Variants in LRP1B observed in about 807,000 individuals in gnomAD.
LRP1B encodes the protein LDL receptor related protein 1B.
LRP1B carries 217 observed loss-of-function variants against 556.6 expected under a neutral mutation model. That is an observed-to-expected ratio of 0.39 (90% CI 0.35 to 0.44). The LOEUF (loss-of-function observed/expected upper bound fraction) is 0.44, where lower values mean the gene tolerates loss of function less well. Ranked by LOEUF, LRP1B falls within the 20% of genes least tolerant of loss-of-function variation. The pLI is 1.00. For missense variants in LRP1B, 5,053 were observed against 5,620.8 expected (o/e 0.90, Z 3.23); for synonymous variants, 2,047 against 1,865.8 (o/e 1.10, Z -2.50).
intron 1 of LRP1B, among the ~76,000 whole-genome samples, chr2:141,977,780 T>C (rs1269819745): frequency 1.3e-5 from 2 of 152,126 alleles, no homozygotes; most frequent in Non-Finnish European, 2.9e-5. Flanking sequence ...TATAGAATGA[T>C]AGAATACTGT....
intron 7 of LRP1B, among the ~76,000 whole-genome samples, chr2:141,149,024 G>C (rs1701854864): frequency 6.6e-6 from 1 of 152,064 alleles, no homozygotes; most frequent in African/African-American, 2.4e-5. Context: ...GGGAAGCAGA[G>C]GTTGCAGTGA....
chr2:140,748,556 C>A (rs1688428301), intron 35 of LRP1B, among the ~76,000 whole-genome samples: 2 of 102,864 alleles, frequency 1.9e-5, no homozygotes, highest in Non-Finnish European at 3.7e-5. Context: ...ATGATAATAA[C>A]TATGTTGTTA....
At chr2:141,539,271 G>A (rs1685170425) in intron 2 of LRP1B, among the ~76,000 whole-genome samples, 1 of 152,054 alleles carries the variant, frequency 6.6e-6, no homozygotes, top group African/African-American at 2.4e-5. Context: ...AGCATTTAGA[G>A]AAACAGGCAA....
At chr2:140,251,323 TACAA>T (rs941766986) in intron 86 of LRP1B, among the ~76,000 whole-genome samples, 2 of 151,842 alleles carry the variant, frequency 1.3e-5, no homozygotes, top group African/African-American at 2.4e-5. Flanking sequence ...TAGTAATTAT[TACAA>T]AGAGAATTAA....
At chr2:141,647,717 A>C (rs2381156) in intron 2 of LRP1B, among the ~76,000 whole-genome samples, 39 of 147,808 alleles carry the variant, frequency 2.6e-4, no homozygotes, top group Admixed American at 2.3e-3. Context: ...TTTTTTTTTT[A>C]AATAAGAGAG....
chr2:142,036,391 A>G (rs1444468649), intron 1 of LRP1B, among the ~76,000 whole-genome samples: 2 of 151,706 alleles, frequency 1.3e-5, no homozygotes, highest in Non-Finnish European at 3.0e-5. Flanking sequence ...GAAGAATTAT[A>G]TATCTGTTTT....
At chr2:141,186,603 C>G (rs949082338) in intron 7 of LRP1B, among the ~76,000 whole-genome samples, 9 of 151,932 alleles carry the variant, frequency 5.9e-5, no homozygotes, top group African/African-American at 1.5e-4. Context: ...CTAACTCAAA[C>G]AAAAATTCCA....
rs182760149 is a variant in LRP1B, at chr2:141,903,117, A to G, written c.83-92716T>C. ...GTTAACTAGCTGATAAAAGATGAAA[A>G]AAAGTTCCTAATTATAGTAATGTCT... is the stretch of plus-strand genomic sequence containing the variant. On this transcript the variant is annotated intron_variant, in intron 1 of 90. Transcript: ENST00000389484. Among the ~76,000 whole-genome samples, 42 of 146,864 alleles carry G rather than the reference A, an allele frequency of 2.9e-4. No individual in the cohort carries two copies. In the East Asian group the frequency reaches 3.1e-3, roughly 11 times the overall value.
chr2:141,343,483 T>G lies in LRP1B; in HGVS notation c.344-88842A>C, dbSNP rs144840290. ...TAATGTGATTCACGCTTTTGTGTGC[T>G]AGATATTTTTGTGGGCCTGTAATTA... is the stretch of plus-strand genomic sequence containing the variant. On this transcript the variant is annotated intron_variant, in intron 3 of 90. Transcript: ENST00000389484. Among the ~76,000 whole-genome samples the G allele has an allele frequency of 2.6e-3, 392 of 152,318 alleles. 1 individual carries two copies. The highest frequency in any genetic ancestry group is 8.9e-3 in the African/African-American group (372 of 41,576).
chr2:140,810,313 T>C (rs571145380), intron 32 of LRP1B, among the ~76,000 whole-genome samples: 1 of 152,310 alleles, frequency 6.6e-6, no homozygotes, highest in South Asian at 2.1e-4. Context: ...GGAACTATCA[T>C]ACATTTGTAT....
chr2:141,446,308 A>G (rs561675685), intron 3 of LRP1B, among the ~76,000 whole-genome samples: 12 of 152,020 alleles, frequency 7.9e-5, no homozygotes, highest in African/African-American at 2.7e-4. Context: ...GTGTGTCTTT[A>G]TATGTGAGAT....
At chr2:142,058,836 A>C (rs1245761103) in intron 1 of LRP1B, among the ~76,000 whole-genome samples, 4 of 152,262 alleles carry the variant, frequency 2.6e-5, no homozygotes, top group Admixed American at 1.3e-4. Context: ...CAGCAGAATT[A>C]GTAAGAATAT....
At chr2:141,977,765 T>C (rs1005243784) in intron 1 of LRP1B, among the ~76,000 whole-genome samples, 1 of 151,976 alleles carries the variant, frequency 6.6e-6, no homozygotes, top group Non-Finnish European at 1.5e-5. Flanking sequence ...CAAAGAATAG[T>C]TTACTATAGA....
chr2:141,315,490 A>C (rs569598114), intron 3 of LRP1B, among the ~76,000 whole-genome samples: 19 of 151,578 alleles, frequency 1.3e-4, no homozygotes, highest in African/African-American at 3.6e-4. Context: ...CTGTCTCCTG[A>C]CCTCGTGATC....
In LRP1B at chr2:140,502,883, A is replaced by G. The variant is rs759294508; in HGVS notation, c.8662+80T>C. The G allele has an allele frequency of 3.6e-4, 505 of 1,413,242 alleles. 2 individuals are homozygous for G. The highest frequency in any genetic ancestry group is 4.8e-4 in the Non-Finnish European group (492 of 1,019,066). 87.5% of individuals were successfully genotyped at this position (1,413,242 alleles called of 1,614,324 possible). A position where few individuals can be genotyped will look rare whatever the true frequency, so the allele number is the denominator to read the frequency against. ...AATAATTTGCATTTTCTCTCATTGA[A>G]TACTATACTAGACAGAAAATCACAA... On this transcript the variant is annotated intron_variant, in intron 54 of 90. Coordinates refer to ENST00000389484, the MANE Select transcript of LRP1B (RefSeq NM_018557.3).
intron 3 of LRP1B, among the ~76,000 whole-genome samples, chr2:141,289,879 T>G (rs910425365): frequency 1.3e-5 from 2 of 152,204 alleles, no homozygotes; most frequent in Non-Finnish European, 2.9e-5. Context: ...TATATATGTG[T>G]TACTGCTAGT....
At chr2:141,157,672 G>A (rs199602526) in intron 7 of LRP1B, among the ~76,000 whole-genome samples, 1 of 151,956 alleles carries the variant, frequency 6.6e-6, no homozygotes, top group African/African-American at 2.4e-5. Context: ...GCATATTCTC[G>A]TCATTAATTA....
At chr2:141,624,579 C>T (rs902695484) in intron 2 of LRP1B, among the ~76,000 whole-genome samples, 15 of 152,126 alleles carry the variant, frequency 9.9e-5, no homozygotes, top group African/African-American at 3.6e-4. Context: ...GTGTATCTAC[C>T]TATGTATCTA....
chr2:141,595,936 TAAATTA>T (rs943365639), intron 2 of LRP1B, among the ~76,000 whole-genome samples: 9 of 152,092 alleles, frequency 5.9e-5, no homozygotes, highest in African/African-American at 2.2e-4. Flanking sequence ...TGATGAATGA[TAAATTA>T]TAATTCAGAT....
Sources: gnomAD v4.1 joint callset for allele counts (sites outside exome capture counted in the v4.1 genomes callset) on GRCh38, gnomAD v4.1.1 for gene constraint, MANE v1.5 for transcripts, NCBI Gene and HGNC (gene_info 2026-07-23, HGNC 2026-07-21) for gene names.